Variants in HDAC4 observed in about 807,000 individuals in gnomAD.
The protein encoded by HDAC4 is histone deacetylase A.
HDAC4 carries 16 observed loss-of-function variants against 135.1 expected under a neutral mutation model. The ratio of observed to expected loss-of-function variants is 0.12; its 90% CI spans 0.08 to 0.18. The LOEUF is 0.18. Among genes scored for constraint, HDAC4 ranks in the 10% least tolerant of loss-of-function variants. The probability of loss-of-function intolerance (pLI) is 1.00; values close to 1 mark genes in which losing one functional copy is unlikely to be tolerated. For missense variants in HDAC4, 1,143 were observed against 1,511.8 expected (o/e 0.76, Z 4.05); for synonymous variants, 685 against 653.4 (o/e 1.05, Z -0.74).
chr2:239,053,183 CCA>C, intron 26 of HDAC4, 47 bp from the exon 27 acceptor site: 1 of 1,610,182 alleles, frequency 6.2e-7, no homozygotes, highest in Non-Finnish European at 8.5e-7. Flanking sequence ...GGCAGGTGCA[CCA>C]CAGAGAGGAG....
At chr2:239,154,349 C>T (rs2042292549) in intron 7 of HDAC4, among the ~76,000 whole-genome samples, 1 of 152,158 alleles carries the variant, frequency 6.6e-6, no homozygotes, top group Non-Finnish European at 1.5e-5. Context: ...GTGCATGCCA[C>T]AGCCGTGAGG....
At chr2:239,291,160 G>A (rs1048517905) in intron 2 of HDAC4, among the ~76,000 whole-genome samples, 1 of 152,226 alleles carries the variant, frequency 6.6e-6, no homozygotes, top group African/African-American at 2.4e-5. Flanking sequence ...AGTCCCTGGG[G>A]TCCTTGTTCA....
At chr2:239,188,593 C>T (rs1268391757) in intron 4 of HDAC4, among the ~76,000 whole-genome samples, 1 of 152,232 alleles carries the variant, frequency 6.6e-6, no homozygotes, top group Non-Finnish European at 1.5e-5. Context: ...CTGTGCTGTC[C>T]AACAGTTGCC....
chr2:239,172,063 T>C (rs2043481620), intron 5 of HDAC4, among the ~76,000 whole-genome samples: 1 of 152,130 alleles, frequency 6.6e-6, no homozygotes, highest in Non-Finnish European at 1.5e-5. Context: ...ATCTTGACTA[T>C]ATAAAATAAT....
intron 25 of HDAC4, among the ~76,000 whole-genome samples, chr2:239,053,963 C>T (rs1264662295): frequency 6.6e-6 from 1 of 151,914 alleles, no homozygotes; most frequent in African/African-American, 2.4e-5. Context: ...CTTCCTATCT[C>T]TGGGAGCAGG....
chr2:239,172,660 A>G (rs1004109191), intron 5 of HDAC4, among the ~76,000 whole-genome samples: 5 of 152,152 alleles, frequency 3.3e-5, no homozygotes, highest in African/African-American at 1.2e-4. Flanking sequence ...GAAATTAATG[A>G]AATCGATATT....
Position 239,240,189 on chromosome 2 carries a change from G to A in HDAC4, c.23-3525C>T, listed in dbSNP as rs1686679451. 6.6e-6 allele frequency among the ~76,000 whole-genome samples: 1 copy of A among 152,238 alleles called. No individual in the cohort carries two copies. ...CAGTGGCGGTGAGTGCACTTTGCAG[G>A]CGCAGGGGCCACCAGGCCTGGGAAA... On this transcript the variant is annotated intron_variant, in intron 2 of 26. Transcript: ENST00000543185. The surrounding 1 kb of genome is among the most constrained non-coding windows in gnomAD (Gnocchi z 4.5).
At chr2:239,288,716 A>G (rs1344405257) in intron 2 of HDAC4, among the ~76,000 whole-genome samples, 1 of 152,206 alleles carries the variant, frequency 6.6e-6, no homozygotes, top group African/African-American at 2.4e-5. Flanking sequence ...ACAATCTACC[A>G]AAGAATAAAG....
chr2:239,375,626 T>C (rs1329177007), intron 1 of HDAC4, among the ~76,000 whole-genome samples: 1 of 152,196 alleles, frequency 6.6e-6, no homozygotes, highest in Non-Finnish European at 1.5e-5. Context: ...AGCCTTCCAG[T>C]ATGACTGCAG....
intron 3 of HDAC4, among the ~76,000 whole-genome samples, chr2:239,195,310 G>A (rs1290301248): frequency 6.6e-6 from 1 of 152,212 alleles, no homozygotes; most frequent in East Asian, 1.9e-4. Context: ...GCGCACCTCC[G>A]GCCACGGCCA....
rs575785990 is a variant in HDAC4, at chr2:239,347,527, T to A, written c.22+5151A>T. 2.0e-5 allele frequency among the ~76,000 whole-genome samples: 3 copies of A among 152,354 alleles called. No individual in the cohort carries two copies. The East Asian group carries it at 5.8e-4, about 29-fold the overall frequency. On this transcript the variant is annotated intron_variant, in intron 2 of 26. Coordinates refer to ENST00000543185, the MANE Select transcript of HDAC4 (RefSeq NM_001378414.1). The stretch of plus-strand genomic sequence containing the variant: ...CGTTTCCCACAAAATCCTTTTTTTT[T>A]GTTTTGAGACAACAGTCTTGCTCTG...
Position 239,219,183 on chromosome 2 carries a change from G to A in HDAC4, c.94+17410C>T, listed in dbSNP as rs112979803. The stretch of plus-strand genomic sequence containing the variant: ...ACACATGCACACGTATGTTTATTGC[G>A]GCACTATTCACAATAGCAAAGACTT... On this transcript the variant is annotated intron_variant, in intron 3 of 26. Transcript: ENST00000543185. 5.2e-3 allele frequency among the ~76,000 whole-genome samples: 771 copies of A among 149,652 alleles called. 3 individuals carry two copies. The highest frequency in any genetic ancestry group is 0.014 in the Middle Eastern group (4 of 292).
At chr2:239,175,645 C>T (rs2043718162) in intron 5 of HDAC4, among the ~76,000 whole-genome samples, 1 of 152,208 alleles carries the variant, frequency 6.6e-6, no homozygotes, top group African/African-American at 2.4e-5. Context: ...GCTGCTGGCC[C>T]TCACTGGGCC....
intron 2 of HDAC4, among the ~76,000 whole-genome samples, chr2:239,304,163 A>T (rs764759317): frequency 2.0e-5 from 3 of 152,266 alleles, no homozygotes; most frequent in Non-Finnish European, 4.4e-5. Context: ...AAAGCAGGAT[A>T]TTCACAAAGC....
intron 1 of HDAC4, among the ~76,000 whole-genome samples, chr2:239,379,947 G>T (rs1265200977): frequency 6.6e-6 from 1 of 152,248 alleles, no homozygotes; most frequent in Non-Finnish European, 1.5e-5. Flanking sequence ...GGTGACTCGG[G>T]GGGAAGCGGA....
chr2:239,321,291 C>T (rs2053299518), intron 2 of HDAC4, among the ~76,000 whole-genome samples: 1 of 151,916 alleles, frequency 6.6e-6, no homozygotes, highest in South Asian at 2.1e-4. Flanking sequence ...CGGTGAAACC[C>T]CGTCTCTACT....
chr2:239,260,275 C>T (rs1387644907), intron 2 of HDAC4, among the ~76,000 whole-genome samples: 1 of 152,200 alleles, frequency 6.6e-6, no homozygotes, highest in African/African-American at 2.4e-5. Context: ...AGACCGTGGA[C>T]TCTGAACCCA....
chr2:239,281,136 C>G (rs1450203478), intron 2 of HDAC4, among the ~76,000 whole-genome samples: 1 of 133,424 alleles, frequency 7.5e-6, no homozygotes, highest in Admixed American at 7.0e-5. Context: ...ATGTACACAC[C>G]ACTCTACAAT....
At chr2:239,063,620 C>T (rs1353932826) in intron 24 of HDAC4, among the ~76,000 whole-genome samples, 2 of 152,274 alleles carry the variant, frequency 1.3e-5, no homozygotes, top group Admixed American at 6.5e-5. Context: ...CCACCTCAGG[C>T]CTGGCCATGC....
Sources: allele counts gnomAD v4.1 joint callset (sites outside exome capture counted in the v4.1 genomes callset), GRCh38; gene constraint gnomAD v4.1.1; non-coding constraint Gnocchi (gnomAD v3.1); transcripts MANE v1.5; gene names NCBI Gene and HGNC (gene_info 2026-07-23, HGNC 2026-07-21).